Variants in BTAF1 observed in about 807,000 individuals in gnomAD.
BTAF1 encodes TATA-binding protein-associated factor 172.
A neutral mutation model predicts 227.1 loss-of-function variants in BTAF1; 38 were observed. The ratio of observed to expected loss-of-function variants is 0.17; its 90% CI spans 0.13 to 0.22. BTAF1 has a LOEUF of 0.22. Ranked by LOEUF, BTAF1 falls within the 10% of genes least tolerant of loss-of-function variation. The pLI is 1.00. For missense variants in BTAF1, 1,598 were observed against 2,204.0 expected (o/e 0.73, Z 5.51); for synonymous variants, 742 against 751.9 (o/e 0.99, Z 0.21).
At chr10:91,946,877 T>C (rs537737458) in intron 4 of BTAF1, among the ~76,000 whole-genome samples, 1 of 151,856 alleles carries the variant, frequency 6.6e-6, no homozygotes, top group African/African-American at 2.4e-5. Context: ...TCTCACTCCA[T>C]TACCCAGGCT....
Position 91,989,195 on chromosome 10 carries a change from A to G in BTAF1, c.2469A>G (p.Leu823=). ...ATGAAGCCACATCATCTTTCGATTT[A>G]AATCCTCAAGTGTTACAACAGTTAG... is the stretch of plus-strand genomic sequence containing the variant. ...VFNEATSSFD[L]NPQVLQQLDS... is the part of the protein sequence containing the mutation. The change falls in exon 20 of 38, where the codon TTA becomes TTG. Residue 823 remains leucine, a synonymous_variant. Coordinates refer to ENST00000265990, the MANE Select transcript of BTAF1 (RefSeq NM_003972.3). The G allele has an allele frequency of 6.2e-7, 1 of 1,613,862 alleles. No individual in the cohort carries two copies. The highest frequency in any genetic ancestry group is 8.5e-7 in the Non-Finnish European group (1 of 1,179,908).
chr10:91,965,741 G>A, intron 13 of BTAF1, among the ~76,000 whole-genome samples: 1 of 152,046 alleles, frequency 6.6e-6, no homozygotes, highest in East Asian at 1.9e-4. Flanking sequence ...TGTGTTTTGT[G>A]TCTTTTTTAT....
At chr10:91,989,673 C>G (rs893921040) in intron 20 of BTAF1, 93 bp downstream of exon 20, 80 of 1,210,654 alleles carry the variant, frequency 6.6e-5, no homozygotes, top group Middle Eastern at 2.4e-4. Context: ...AAATCCAGTT[C>G]ATGTTAGTGT....
rs1554871766 is a variant in BTAF1, at chr10:92,030,031, T to TAA, written c.*1099_*1100dup. 2.0e-5 allele frequency: 3 copies of TAA among 152,514 alleles called. No homozygotes were observed. Among genetic ancestry groups the TAA allele is most frequent in the East Asian group, 1.9e-4 (1 of 5,190 alleles). 9.4% of individuals were successfully genotyped at this position (152,514 alleles called of 1,614,324 possible). The stretch of plus-strand genomic sequence containing the variant: ...GTATGTGTTTGTATATATAATTTTA[T>TAA]AAGTTTCACGCATAAATTAATACAT... On this transcript the variant is annotated 3_prime_UTR_variant, in exon 38 of 38. Coordinates refer to ENST00000265990, the MANE Select transcript of BTAF1 (RefSeq NM_003972.3).
chr10:91,987,662 CA>C (rs1848497042), intron 19 of BTAF1, among the ~76,000 whole-genome samples: 1 of 152,084 alleles, frequency 6.6e-6, no homozygotes, highest in African/African-American at 2.4e-5. Context: ...CCACCCTGAA[CA>C]TCCCTCTCCT....
chr10:91,992,666 T>C (rs1213910935), intron 21 of BTAF1, among the ~76,000 whole-genome samples: 1 of 152,184 alleles, frequency 6.6e-6, no homozygotes, highest in African/African-American at 2.4e-5. Flanking sequence ...TTTTAGTCAA[T>C]TTGATATTTA....
At position 91,976,733 on chromosome 10, in the gene BTAF1, C is replaced by T. The variant is rs141584490; in HGVS notation, c.1651-3721C>T. Among the ~76,000 whole-genome samples, 1,002 of 152,278 alleles carry T rather than the reference C, an allele frequency of 6.6e-3. 6 individuals carry two copies. Among genetic ancestry groups the T allele is most frequent in the Non-Finnish European group, 8.1e-3 (553 of 68,022 alleles). Reference sequence around the variant, plus strand: ...TTTGCATATTGGCAACTATTCCTTACGATACGAATTTGGATTATTTCCAGT... The same window carrying T: ...TTTGCATATTGGCAACTATTCCTTATGATACGAATTTGGATTATTTCCAGT... On this transcript the variant is annotated intron_variant, in intron 14 of 37. Transcript: ENST00000265990.
intron 30 of BTAF1, among the ~76,000 whole-genome samples, chr10:92,012,810 A>C (rs1483096748): frequency 6.6e-6 from 1 of 151,760 alleles, no homozygotes; most frequent in Non-Finnish European, 1.5e-5. Context: ...TATAATTAAA[A>C]GGGAAAAAAG....
chr10:92,024,629 T>C, intron 34 of BTAF1, 127 bp from the exon 35 acceptor site: 1 of 777,930 alleles, frequency 1.3e-6, no homozygotes, highest in Non-Finnish European at 2.0e-6. Flanking sequence ...CAGCCCAAAG[T>C]GCTAATCTGC....
chr10:91,989,333 G>C lies in BTAF1; in HGVS notation c.2607G>C (p.Gln869His). ...FAACAVVSLQ[Q>H]LPEKLNPIIK... is the part of the protein sequence containing the mutation. ...CCTGTGCAGTTGTGAGCTTGCAGCA[G>C]CTTCCGGAGAAATTAAATCCTATCA... Residue 869 changes from glutamine (Q) to histidine (H), a missense_variant, in exon 20 of 38, where the codon CAG (glutamine) becomes CAC (histidine). This residue lies in a region of BTAF1 where 425 missense variants were observed against 491.2 expected (regional missense o/e 0.87). Coordinates refer to ENST00000265990, the MANE Select transcript of BTAF1 (RefSeq NM_003972.3). The C allele has an allele frequency of 6.2e-7, 1 of 1,614,130 alleles. No homozygotes were observed. Among genetic ancestry groups the C allele is most frequent in the South Asian group, 1.1e-5 (1 of 91,078 alleles).
intron 37 of BTAF1, among the ~76,000 whole-genome samples, chr10:92,028,425 TTCCTC>T (rs1363631109): frequency 1.1e-4 from 16 of 152,190 alleles, no homozygotes; most frequent in African/African-American, 3.1e-4. Flanking sequence ...TACATGCTGA[TTCCTC>T]TCAAAGGATA....
intron 25 of BTAF1, among the ~76,000 whole-genome samples, chr10:92,003,988 G>A (rs1849718355): frequency 6.6e-6 from 1 of 151,684 alleles, no homozygotes. Context: ...TTTCCCTGAT[G>A]ATTTATGTTG....
chr10:92,019,896 T>TTG (rs1554868655), intron 34 of BTAF1, among the ~76,000 whole-genome samples: 1 of 150,816 alleles, frequency 6.6e-6, no homozygotes, highest in African/African-American at 2.4e-5. Context: ...TTGCTGTTTT[T>TTG]TTTTTTTTTT....
chr10:92,026,157 T>C (rs1457639221), intron 35 of BTAF1, among the ~76,000 whole-genome samples: 1 of 152,208 alleles, frequency 6.6e-6, no homozygotes, highest in Non-Finnish European at 1.5e-5. Flanking sequence ...TTACTAGATA[T>C]CCTTTGTCAG....
chr10:91,978,480 A>T (rs907748499), intron 14 of BTAF1, among the ~76,000 whole-genome samples: 1 of 151,200 alleles, frequency 6.6e-6, no homozygotes, highest in African/African-American at 2.4e-5. Flanking sequence ...TTCTGTTAAG[A>T]TTGTCCCTAA....
In BTAF1 at chr10:91,989,336, T is replaced by C; in HGVS notation, c.2610T>C (p.Leu870=). ...GTGCAGTTGTGAGCTTGCAGCAGCTTCCGGAGAAATTAAATCCTATCATAA... is the reference window on the plus strand; with the variant it reads ...GTGCAGTTGTGAGCTTGCAGCAGCTCCCGGAGAAATTAAATCCTATCATAA... ...AACAVVSLQQ[L]PEKLNPIIKP... Residue 870 remains leucine, a synonymous_variant, in exon 20 of 38, where the codon CTT becomes CTC. Transcript: ENST00000265990. 1.9e-6 allele frequency: 3 copies of C among 1,614,146 alleles called. No homozygotes were observed. The highest frequency in any genetic ancestry group is 2.5e-6 in the Non-Finnish European group (3 of 1,180,028).
chr10:91,943,656 C>CT (rs1845169178), intron 4 of BTAF1, among the ~76,000 whole-genome samples: 1 of 152,008 alleles, frequency 6.6e-6, no homozygotes, highest in Non-Finnish European at 1.5e-5. Context: ...GGATAATTTG[C>CT]TTAAGTTTTG....
At chr10:91,987,671 C>T (rs1197805186) in intron 19 of BTAF1, among the ~76,000 whole-genome samples, 2 of 152,140 alleles carry the variant, frequency 1.3e-5, no homozygotes, top group Non-Finnish European at 2.9e-5. Context: ...ACATCCCTCT[C>T]CTGCTTAAAA....
chr10:92,000,640 C>T (rs1426263956), intron 25 of BTAF1, among the ~76,000 whole-genome samples: 3 of 152,152 alleles, frequency 2.0e-5, no homozygotes, highest in Non-Finnish European at 4.4e-5. Flanking sequence ...CTCCTGCAAC[C>T]TTTGCCTCCT....
Sources: allele counts gnomAD v4.1 joint callset (sites outside exome capture counted in the v4.1 genomes callset), GRCh38; gene constraint gnomAD v4.1.1; regional missense constraint gnomAD v4.1.1; transcripts MANE v1.5; gene names NCBI Gene and HGNC (gene_info 2026-07-23, HGNC 2026-07-21).